USP19: variants seen among roughly 807,000 people sequenced by gnomAD.
USP19 encodes the protein ubiquitin carboxyl-terminal hydrolase 19.
Under a neutral mutation model 144.8 loss-of-function variants are expected in USP19, and 40 were observed. The ratio of observed to expected loss-of-function variants is 0.28; its 90% CI spans 0.21 to 0.36. The LOEUF (loss-of-function observed/expected upper bound fraction) is 0.36. USP19 is among the 10% of genes least tolerant of loss of function. The pLI is 1.00. For synonymous variants in USP19, 701 were observed against 709.3 expected, an observed-to-expected ratio of 0.99 and a Z score of 0.19; for missense variants, 1,518 against 1,822.5, an observed-to-expected ratio of 0.83 and a Z score of 3.04.
chr3:49,115,420 C>T lies in USP19; in HGVS notation c.1888+24G>A, dbSNP rs996488864. The T allele has an allele frequency of 1.2e-6, 2 of 1,613,750 alleles. No homozygotes were observed. The highest frequency in any genetic ancestry group is 1.7e-6 in the Non-Finnish European group (2 of 1,179,636). The stretch of plus-strand genomic sequence containing the variant: ...CAAAGGCACTCTCTCTGCCCATAAC[C>T]CAGGCTCCAGGCCCTGCCCTCACCA... On this transcript the variant is annotated intron_variant, in intron 12 of 26. Transcript: ENST00000417901. The surrounding 1 kb of genome is among the most constrained non-coding windows in gnomAD (Gnocchi z 6.6).
At chr3:49,119,347 C>T in intron 1 of USP19, 66 bp from the exon 2 acceptor site, 1 of 599,514 alleles carries the variant, frequency 1.7e-6, no homozygotes, top group East Asian at 3.0e-5. Context: ...ACACCCAGGG[C>T]TCAGCAACAC....
At position 49,111,591 on chromosome 3, in the gene USP19, G is replaced by A; in HGVS notation, c.3126C>T (p.Pro1042=). The change falls in exon 21 of 27, where the codon CCC becomes CCT. Residue 1042 remains proline (P), a synonymous_variant. Transcript: ENST00000417901. The surrounding 1 kb of genome is among the most constrained non-coding windows in gnomAD (Gnocchi z 5.9). ...VWAAPDRGPV[P]STSGISSEML... is the part of the protein sequence containing the mutation. Reference sequence around the variant, plus strand: ...TCTCAGAAGAAATTCCACTGGTGCTGGGCACAGGACCCCGGTCAGGGGCTG... The same window carrying A: ...TCTCAGAAGAAATTCCACTGGTGCTAGGCACAGGACCCCGGTCAGGGGCTG... 6.2e-7 allele frequency: 1 copy of A among 1,612,980 alleles called. No homozygotes were observed. Among genetic ancestry groups the A allele is most frequent in the Non-Finnish European group, 8.5e-7 (1 of 1,179,936 alleles).
At chr3:49,109,117 ACCCAGGGG>A (rs934626160) in intron 26 of USP19, 2 of 1,562,814 alleles carry the variant, frequency 1.3e-6, no homozygotes, top group African/African-American at 2.7e-5. Context: ...GCCCCCAGGG[ACCCAGGGG>A]CCCAGACCCC....
chr3:49,108,586 C>A lies in USP19; in HGVS notation c.4039-58G>T. The A allele has an allele frequency of 1.6e-6, 2 of 1,258,106 alleles. No individual in the cohort carries two copies. The highest frequency in any genetic ancestry group is 5.4e-5 in the South Asian group (2 of 36,764). The allele number at this position is 1,258,106 out of a possible 1,614,324, so 77.9% of individuals were successfully genotyped here. A position where few individuals can be genotyped will look rare whatever the true frequency, so the allele number is the denominator to read the frequency against. ...CTGCCCAGCATGCCGCCTGGCATCC[C>A]GGGGGTGCTGGCTTGGAGCCCTGGC... On this transcript the variant is annotated intron_variant, in intron 26 of 26. Coordinates refer to ENST00000417901, the MANE Select transcript of USP19 (RefSeq NM_001199161.2). This position sits in a 1 kb window ranked among gnomAD's most constrained non-coding sequence, Gnocchi z 4.8.
At position 49,108,328 on chromosome 3, in the gene USP19, TG is replaced by T; in HGVS notation, c.*83del. On this transcript the variant is annotated 3_prime_UTR_variant, in exon 27 of 27. Transcript: ENST00000417901. The surrounding 1 kb of genome is among the most constrained non-coding windows in gnomAD (Gnocchi z 4.8). ...TCCCATTGACAGAGCCAGTGTCCTCTGGGTTAGAGAAGGAGAAGCGGCAAGG... is the reference window on the plus strand; with the variant it reads ...TCCCATTGACAGAGCCAGTGTCCTCTGGTTAGAGAAGGAGAAGCGGCAAGG... 4.9e-6 allele frequency: 2 copies of T among 405,646 alleles called. No individual in the cohort carries two copies. Among genetic ancestry groups the T allele is most frequent in the Non-Finnish European group, 4.4e-6 (1 of 227,362 alleles). The allele number at this position is 405,646 out of a possible 1,614,324, so 25.1% of individuals were successfully genotyped here. A position where few individuals can be genotyped will look rare whatever the true frequency, so the allele number is the denominator to read the frequency against.
Position 49,114,925 on chromosome 3 carries a change from T to C in USP19, c.2181+34A>G, listed in dbSNP as rs2043824591. The C allele has an allele frequency of 1.9e-6, 3 of 1,614,160 alleles. No homozygotes were observed. The highest frequency in any genetic ancestry group is 2.2e-5 in the East Asian group (1 of 44,884). ...AGAGTACCAGGGGCTGGGATGCTCA[T>C]GAGACATGCCCACCCTCTGTCCCTA... On this transcript the variant is annotated intron_variant, in intron 14 of 26. Transcript: ENST00000417901. This position sits in a 1 kb window ranked among gnomAD's most constrained non-coding sequence, Gnocchi z 4.5.
chr3:49,109,604 G>A (rs1488262395), intron 26 of USP19, among the ~76,000 whole-genome samples: 1 of 152,230 alleles, frequency 6.6e-6, no homozygotes, highest in Non-Finnish European at 1.5e-5. Flanking sequence ...GACAGAGAAG[G>A]CTCAAGAGAG....
In USP19 at chr3:49,118,976, T is replaced by C. The variant is rs759440390; in HGVS notation, c.124+46A>G. On this transcript the variant is annotated intron_variant, in intron 2 of 26. Transcript: ENST00000417901. The stretch of plus-strand genomic sequence containing the variant: ...AACCCCAATCTGTATACCAATAAGA[T>C]GGGAGGCAGAGAAGGCCACAATTAC... 9.3e-6 allele frequency: 15 copies of C among 1,612,586 alleles called. No homozygotes were observed. In the Admixed American group the frequency reaches 1.2e-4, roughly 13 times the overall value.
In USP19 at chr3:49,117,692, G is replaced by C. The variant is rs980349450; in HGVS notation, c.437C>G (p.Ala146Gly). Residue 146 changes from alanine (A) to glycine (G), a missense_variant, in exon 4 of 27, where the codon GCT (alanine) becomes GGT (glycine). Coordinates refer to ENST00000417901, the MANE Select transcript of USP19 (RefSeq NM_001199161.2). The surrounding 1 kb of genome is among the most constrained non-coding windows in gnomAD (Gnocchi z 4.4). ...GPLQLEDVDA[A>G]FTDTDCVVRF... is the part of the protein sequence containing the mutation. ...CACCACACAGTCTGTATCTGTGAAA[G>C]CAGCATCTACATCCTCCAGCTGCAG... 1 of 1,614,084 alleles carries C rather than the reference G, an allele frequency of 6.2e-7. No individual in the cohort carries two copies. Among genetic ancestry groups the C allele is most frequent in the Non-Finnish European group, 8.5e-7 (1 of 1,180,046 alleles).
Position 49,115,165 on chromosome 3 carries a change from C to T in USP19, c.2023-48G>A. The T allele has an allele frequency of 6.2e-7, 1 of 1,612,982 alleles. No homozygotes were observed. Among genetic ancestry groups the T allele is most frequent in the Non-Finnish European group, 8.5e-7 (1 of 1,179,524 alleles). On this transcript the variant is annotated intron_variant, in intron 13 of 26. Coordinates refer to ENST00000417901, the MANE Select transcript of USP19 (RefSeq NM_001199161.2). The surrounding 1 kb of genome is among the most constrained non-coding windows in gnomAD (Gnocchi z 6.6). ...GAACATGAAGCCCTAGCACCCACTG[C>T]ACACCCAGCTGGCTGGCCCTCCCCG...
chr3:49,113,960 A>C (rs754587400), intron 17 of USP19, 32 bp downstream of exon 17: 1 of 1,607,024 alleles, frequency 6.2e-7, no homozygotes, highest in Admixed American at 1.7e-5. Flanking sequence ...ACACATCCAC[A>C]CATGTGATAG....
At position 49,112,538 on chromosome 3, in the gene USP19, A is replaced by C. The variant is rs903286469; in HGVS notation, c.2597T>G (p.Leu866Arg). 1.2e-6 allele frequency: 2 copies of C among 1,613,994 alleles called. No homozygotes were observed. The highest frequency in any genetic ancestry group is 1.7e-6 in the Non-Finnish European group (2 of 1,179,986). ...PSDTLLCFEL[L>R]SSELAKERVV... ...CCGCTCCTTAGCCAACTCTGAGGAT[A>C]GCAGCTCAAAGCAGAGGAGCGTATC... The change falls in exon 18 of 27, where the codon CTA (leucine) becomes CGA (arginine). Residue 866 changes from leucine to arginine, a missense_variant. Transcript: ENST00000417901. This position sits in a 1 kb window ranked among gnomAD's most constrained non-coding sequence, Gnocchi z 4.9.
In USP19 at chr3:49,110,917, TG is replaced by T. The variant is rs1230134951; in HGVS notation, c.3545+32del. ...CAGCAAGTCTCTCTCTTCTCCATCCTGCCCCCTTATCTACTTGCTGCTCTGT... is the reference window on the plus strand; with the variant it reads ...CAGCAAGTCTCTCTCTTCTCCATCCTCCCCCTTATCTACTTGCTGCTCTGT... On this transcript the variant is annotated intron_variant, in intron 23 of 26. Transcript: ENST00000417901. The surrounding 1 kb of genome is among the most constrained non-coding windows in gnomAD (Gnocchi z 6.1). 6.2e-7 allele frequency: 1 copy of T among 1,613,814 alleles called. No individual in the cohort carries two copies. Among genetic ancestry groups the T allele is most frequent in the Non-Finnish European group, 8.5e-7 (1 of 1,179,770 alleles).
In USP19 at chr3:49,117,070, G is replaced by A; in HGVS notation, c.898C>T (p.Pro300Ser). 6.6e-7 allele frequency: 1 copy of A among 1,516,352 alleles called. No individual in the cohort carries two copies. The highest frequency in any genetic ancestry group is 8.9e-7 in the Non-Finnish European group (1 of 1,128,004). The allele number at this position is 1,516,352 out of a possible 1,614,324, so 93.9% of individuals were successfully genotyped here. A position where few individuals can be genotyped will look rare whatever the true frequency, so the allele number is the denominator to read the frequency against. Residue 300 changes from proline (P) to serine (S), a missense_variant, in exon 6 of 27, where the codon CCA becomes TCA. Physicochemically the swap from Pro to Ser is moderately conservative, Grantham distance 74. This residue lies in a region of USP19 where 707 missense variants were observed against 728.9 expected (regional missense o/e 0.97). Coordinates refer to ENST00000417901, the MANE Select transcript of USP19 (RefSeq NM_001199161.2). This position sits in a 1 kb window ranked among gnomAD's most constrained non-coding sequence, Gnocchi z 4.4. ...TGCCCAGCTCTCACCTGGGTGGCTG[G>A]GTCAGCCACGAAGGGTGGGGCATCA... ...RGDAPPFVAD[P>S]ATQVEADEQL...
rs759623667 is a variant in USP19 at position 49,115,914 on chromosome 3, G to A, written c.1502C>T (p.Pro501Leu). ...TGAATCCAGAGGGGTTGGACCTGTC[G>A]GCACGGCAACCTTTGCACCACCCAC... ...GAVGGAKVAV[P>L]TGPTPLDSTP... The change falls in exon 11 of 27, where the codon CCG becomes CTG. Residue 501 changes from proline (P) to leucine (L), a missense_variant. Physicochemically the swap from Pro to Leu is moderately conservative, Grantham distance 98. Coordinates refer to ENST00000417901, the MANE Select transcript of USP19 (RefSeq NM_001199161.2). The surrounding 1 kb of genome is among the most constrained non-coding windows in gnomAD (Gnocchi z 6.6). The A allele has an allele frequency of 2.7e-5, 42 of 1,563,282 alleles. No individual in the cohort carries two copies. The South Asian group carries it at 3.9e-4, about 15-fold the overall frequency.
Position 49,112,145 on chromosome 3 carries a change from GC to G in USP19, c.2766-98del, listed in dbSNP as rs2043262139. The G allele has an allele frequency of 6.4e-7, 1 of 1,554,238 alleles. No homozygotes were observed. On this transcript the variant is annotated intron_variant, in intron 19 of 26. Transcript: ENST00000417901. This position sits in a 1 kb window ranked among gnomAD's most constrained non-coding sequence, Gnocchi z 4.9. The stretch of plus-strand genomic sequence containing the variant: ...TAGTCCCTGGGAACTGGGTACGCCA[GC>G]CCTGCCTCCCCCAGAGCCTGGTAAA...
Position 49,116,527 on chromosome 3 carries a change from ACACGTG to A in USP19, c.1201_1206del (p.His401_Val402del). Reference sequence around the variant, plus strand: ...GTGTCCCTGCAGATCTCCTTCACGTACACGTGCACCACCACTGAATCCGGGCCCTTC... The same window carrying A: ...GTGTCCCTGCAGATCTCCTTCACGTACACCACCACTGAATCCGGGCCCTTC... On this transcript the variant is annotated inframe_deletion, in exon 8 of 27. Transcript: ENST00000417901. The surrounding 1 kb of genome is among the most constrained non-coding windows in gnomAD (Gnocchi z 5.0). 6.2e-7 allele frequency: 1 copy of A among 1,614,232 alleles called. No individual in the cohort carries two copies. Among genetic ancestry groups the A allele is most frequent in the South Asian group, 1.1e-5 (1 of 91,088 alleles).
At position 49,110,090 on chromosome 3, in the gene USP19, C is replaced by CCTGT; in HGVS notation, c.4038+90_4038+93dup. 2 of 1,370,316 alleles carry CCTGT rather than the reference C, an allele frequency of 1.5e-6. No individual in the cohort carries two copies. The highest frequency in any genetic ancestry group is 1.9e-6 in the Non-Finnish European group (2 of 1,046,284). The allele number at this position is 1,370,316 out of a possible 1,614,324, so 84.9% of individuals were successfully genotyped here. A position where few individuals can be genotyped will look rare whatever the true frequency, so the allele number is the denominator to read the frequency against. The stretch of plus-strand genomic sequence containing the variant: ...CTCATGAATCCCAAGGCTCAATGGG[C>CCTGT]CTGTGGCTGGAGGAGAGGAAGCTAT... On this transcript the variant is annotated intron_variant, in intron 26 of 26. Coordinates refer to ENST00000417901, the MANE Select transcript of USP19 (RefSeq NM_001199161.2). The surrounding 1 kb of genome is among the most constrained non-coding windows in gnomAD (Gnocchi z 6.1).
At position 49,116,030 on chromosome 3, in the gene USP19, G is replaced by A. The variant is rs2044049296; in HGVS notation, c.1471+17C>T. ...GGTCACGTGGAACTGGGCAATGAAGGGAGCTCGTGTGCAGACCTCGTGCAG... is the reference window on the plus strand; with the variant it reads ...GGTCACGTGGAACTGGGCAATGAAGAGAGCTCGTGTGCAGACCTCGTGCAG... On this transcript the variant is annotated intron_variant, in intron 10 of 26. Transcript: ENST00000417901. The surrounding 1 kb of genome is among the most constrained non-coding windows in gnomAD (Gnocchi z 5.0). The A allele has an allele frequency of 6.3e-7, 1 of 1,585,804 alleles. No individual in the cohort carries two copies. The highest frequency in any genetic ancestry group is 8.5e-7 in the Non-Finnish European group (1 of 1,170,330).
Sources: allele counts gnomAD v4.1 joint callset (sites outside exome capture counted in the v4.1 genomes callset), GRCh38; gene constraint gnomAD v4.1.1; regional missense constraint gnomAD v4.1.1; non-coding constraint Gnocchi (gnomAD v3.1); transcripts MANE v1.5; gene names NCBI Gene and HGNC (gene_info 2026-07-23, HGNC 2026-07-21).